LRRC74B: variants seen among roughly 807,000 people sequenced by gnomAD.
The protein encoded by LRRC74B is leucine-rich repeat-containing protein 74B.
A neutral mutation model predicts 16.6 loss-of-function variants in LRRC74B; 30 were observed. The ratio of observed to expected loss-of-function variants is 1.80; its 90% CI spans 1.35 to 2.45. The LOEUF is 2.45. Among genes scored for constraint, LRRC74B ranks in the 30% most tolerant of loss-of-function variants. The pLI is 0.00. For missense variants in LRRC74B, 326 were observed against 202.4 expected (o/e 1.61, Z -3.71); for synonymous variants, 134 against 86.0 (o/e 1.56, Z -3.09).
chr22:21,053,980 G>A (rs779663285), intron 6 of LRRC74B: 2 of 152,230 alleles, frequency 1.3e-5, no homozygotes, highest in Non-Finnish European at 2.9e-5. Context: ...AAGCATCTCC[G>A]GCAGAGCCTG....
downstream of LRRC74B, chr22:21,062,248 T>TG (rs1328172187): frequency 1.3e-5 from 2 of 152,166 alleles, no homozygotes; most frequent in Non-Finnish European, 2.9e-5. Flanking sequence ...TGGATTTCTT[T>TG]GGGGGGTGAT....
chr22:21,048,015 T>TGC lies in LRRC74B; in HGVS notation c.415_415+1insCG (p.Asp139AlafsTer24), dbSNP rs1272450065. ...CCCTGAGCAAAAGCAGCAGCATCCA[T>TGC]GGTAGGTGCTGGGTCTGGGGCAGGT... On this transcript the variant is annotated frameshift_variant and splice_region_variant, in exon 3 of 9. Transcript: ENST00000442047. LOFTEE classifies it high-confidence loss of function. The TGC allele has an allele frequency of 1.4e-6, 1 of 717,132 alleles. No individual in the cohort carries two copies. The highest frequency in any genetic ancestry group is 2.7e-5 in the East Asian group (1 of 37,262). 44.4% of individuals were successfully genotyped at this position (717,132 alleles called of 1,614,324 possible).
Position 21,049,170 on chromosome 22 carries a change from C to T in LRRC74B, c.622+13C>T. On this transcript the variant is annotated intron_variant, in intron 4 of 8. Transcript: ENST00000442047. ...AATGACCAAGCAGGTAACGCCTGCG[C>T]AGGGCACCATGGCCATGAAAGCTCA... 1.4e-6 allele frequency: 1 copy of T among 713,004 alleles called. No homozygotes were observed. Among genetic ancestry groups the T allele is most frequent in the Non-Finnish European group, 2.6e-6 (1 of 382,136 alleles). 44.2% of individuals were successfully genotyped at this position (713,004 alleles called of 1,614,324 possible).
chr22:21,050,765 G>A (rs1929958868), intron 4 of LRRC74B, among the ~76,000 whole-genome samples: 2 of 128,830 alleles, frequency 1.6e-5, no homozygotes, highest in Non-Finnish European at 1.6e-5. Context: ...GCGAAAGAGC[G>A]AGACTCTGTC....
At chr22:21,046,007 G>T (rs932084197) in exon 1 of LRRC74B, 5 of 717,414 alleles carry the variant, frequency 7.0e-6, no homozygotes, top group African/African-American at 1.7e-5. Context: ...CCTGTGAGAG[G>T]TCTGGGGAGG....
At chr22:21,046,795 A>G (rs953688622) in intron 1 of LRRC74B, among the ~76,000 whole-genome samples, 1 of 152,024 alleles carries the variant, frequency 6.6e-6, no homozygotes, top group Non-Finnish European at 1.5e-5. Flanking sequence ...CGTCTGGCTA[A>G]TATAAAAATT....
At chr22:21,047,836 G>A in intron 2 of LRRC74B, 48 bp from the exon 3 acceptor site, 2 of 712,030 alleles carry the variant, frequency 2.8e-6, no homozygotes, top group South Asian at 1.5e-5. Context: ...CTGAGCCCTG[G>A]AGCATGAGCC....
chr22:21,056,905 C>T, intron 7 of LRRC74B, 200 bp from the exon 8 acceptor site: 2 of 576,572 alleles, frequency 3.5e-6, no homozygotes, highest in South Asian at 4.3e-5. Flanking sequence ...AATCGGAGGC[C>T]TCTCCCTTCC....
intron 4 of LRRC74B, among the ~76,000 whole-genome samples, chr22:21,051,029 G>A (rs1433559014): frequency 1.3e-5 from 2 of 150,334 alleles, no homozygotes; most frequent in South Asian, 4.2e-4. Context: ...GGTGACATGT[G>A]CCTGTAGTCT....
At chr22:21,051,031 C>T (rs538852506) in intron 4 of LRRC74B, among the ~76,000 whole-genome samples, 1 of 150,204 alleles carries the variant, frequency 6.7e-6, no homozygotes, top group Non-Finnish European at 1.5e-5. Flanking sequence ...TGACATGTGC[C>T]TGTAGTCTCA....
intron 4 of LRRC74B, among the ~76,000 whole-genome samples, chr22:21,050,409 TG>T (rs1018828835): frequency 3.9e-5 from 6 of 152,082 alleles, no homozygotes; most frequent in African/African-American, 1.2e-4. Context: ...CCTTGGCCTG[TG>T]AGAATTGCCT....
chr22:21,048,993 A>G lies in LRRC74B; in HGVS notation c.458A>G (p.Gln153Arg), dbSNP rs1274394415. ...AACCAGCTGGGAGTGGCAGGAGCCC[A>G]GGCCCTCTGTGCCGCCCTCACAGTG... The change falls in exon 4 of 9, where the codon CAG becomes CGG. Residue 153 changes from glutamine (Q) to arginine (R), a missense_variant. By Grantham distance (43) the Gln-to-Arg change is conservative (BLOSUM62 1). Coordinates refer to ENST00000442047, the Ensembl canonical transcript of LRRC74B. The G allele has an allele frequency of 5.6e-6, 4 of 715,782 alleles. No homozygotes were observed. The East Asian group carries it at 1.1e-4, about 19-fold the overall frequency. The allele number at this position is 715,782 out of a possible 1,614,324, so 44.3% of individuals were successfully genotyped here. A position where few individuals can be genotyped will look rare whatever the true frequency, so the allele number is the denominator to read the frequency against.
chr22:21,061,687 A>T (rs1248268698), downstream of LRRC74B: 4 of 152,266 alleles, frequency 2.6e-5, no homozygotes, highest in African/African-American at 9.6e-5. Context: ...AAGCTTAATC[A>T]TAGAATTACC....
chr22:21,055,880 G>A (rs1002595602), intron 7 of LRRC74B, among the ~76,000 whole-genome samples: 3 of 152,134 alleles, frequency 2.0e-5, no homozygotes, highest in Non-Finnish European at 2.9e-5. Flanking sequence ...CCAAAGACAC[G>A]TGGGAATGTG....
In LRRC74B at chr22:21,048,032, G is replaced by T; in HGVS notation, c.415+16G>T. The T allele has an allele frequency of 1.4e-6, 1 of 717,118 alleles. No homozygotes were observed. Among genetic ancestry groups the T allele is most frequent in the South Asian group, 1.5e-5 (1 of 67,592 alleles). The allele number at this position is 717,118 out of a possible 1,614,324, so 44.4% of individuals were successfully genotyped here. On this transcript the variant is annotated intron_variant, in intron 3 of 8. Coordinates refer to ENST00000442047, the Ensembl canonical transcript of LRRC74B. ...AGCATCCATGGTAGGTGCTGGGTCT[G>T]GGGCAGGTGGGCAGGCGTGTCCTCC...
At chr22:21,048,701 G>A (rs567246263) in intron 3 of LRRC74B, 3 of 515,632 alleles carry the variant, frequency 5.8e-6, no homozygotes, top group Non-Finnish European at 1.0e-5. Flanking sequence ...CCCCACCACA[G>A]CAGTCTCTAC....
exon 6 of LRRC74B, chr22:21,053,372 C>G: frequency 2.8e-6 from 2 of 716,976 alleles, no homozygotes; most frequent in Admixed American, 2.0e-5. Context: ...AAACATCTTC[C>G]TTAAAGTTCT....
At chr22:21,051,154 C>T (rs1456700939) in intron 4 of LRRC74B, among the ~76,000 whole-genome samples, 2 of 152,024 alleles carry the variant, frequency 1.3e-5, no homozygotes, top group Non-Finnish European at 2.9e-5. Flanking sequence ...CGTGTCTTAA[C>T]AACAACAAAA....
intron 5 of LRRC74B, among the ~76,000 whole-genome samples, chr22:21,053,153 C>T (rs1930203162): frequency 6.6e-6 from 1 of 152,280 alleles, no homozygotes; most frequent in South Asian, 2.1e-4. Flanking sequence ...GTGCTCTGGG[C>T]CACTGGGCTC....
Sources: allele counts gnomAD v4.1 joint callset (sites outside exome capture counted in the v4.1 genomes callset), GRCh38; gene constraint gnomAD v4.1.1; transcripts MANE v1.5; gene names NCBI Gene and HGNC (gene_info 2026-07-23, HGNC 2026-07-21).